The following KDM2A variants were observed in gnomAD, a reference collection of about 807,000 sequenced individuals.
KDM2A encodes lysine-specific demethylase 2A.
KDM2A carries 3 observed loss-of-function variants against 137.3 expected under a neutral mutation model. The observed-to-expected ratio is 0.02, with a 90% confidence interval of 0.01 to 0.06. KDM2A has a LOEUF of 0.06. Ranked by LOEUF, KDM2A falls within the 10% of genes least tolerant of loss-of-function variation. KDM2A has a pLI of 1.00. For synonymous variants in KDM2A, 512 were observed against 541.5 expected, an observed-to-expected ratio of 0.95 and a Z score of 0.76; for missense variants, 738 against 1,510.6, an observed-to-expected ratio of 0.49 and a Z score of 8.48.
At chr11:67,192,292 CA>C (rs1857374540) in intron 5 of KDM2A, among the ~76,000 whole-genome samples, 1 of 152,088 alleles carries the variant, frequency 6.6e-6, no homozygotes, top group Admixed American at 6.6e-5. Flanking sequence ...TAACAAATGG[CA>C]TCATAGTGTA....
intron 15 of KDM2A, among the ~76,000 whole-genome samples, chr11:67,247,071 ATTTTTTTTTTTTTTTTTTTTTTTT>A (rs1156333048): frequency 6.0e-5 from 1 of 16,786 alleles, no homozygotes; most frequent in African/African-American, 2.0e-4. Flanking sequence ...ATATATATAT[ATTTTTTTTTTTTTTTTTTTTTTTT>A]TTTTTTTTTT....
intron 2 of KDM2A, among the ~76,000 whole-genome samples, chr11:67,124,316 T>C (rs987903597): frequency 2.7e-5 from 4 of 150,088 alleles, no homozygotes; most frequent in Admixed American, 2.0e-4. Context: ...ACTTTATTTT[T>C]ATATATATTT....
chr11:67,211,698 C>T (rs1425149468), intron 6 of KDM2A, among the ~76,000 whole-genome samples: 1 of 136,668 alleles, frequency 7.3e-6, no homozygotes, highest in Admixed American at 7.4e-5. Context: ...TATTCAAAAA[C>T]TTAATCTTCA....
chr11:67,169,727 C>CCT (rs1856833541), intron 2 of KDM2A, among the ~76,000 whole-genome samples: 3 of 100,056 alleles, frequency 3.0e-5, no homozygotes, highest in Non-Finnish European at 7.5e-5. Flanking sequence ...CTCTCTCTCT[C>CCT]TCTCCTTCTC....
intron 2 of KDM2A, among the ~76,000 whole-genome samples, chr11:67,122,407 G>C (rs781131777): frequency 5.3e-5 from 8 of 151,882 alleles, no homozygotes; most frequent in Admixed American, 2.0e-4. Flanking sequence ...GCTCACCGCA[G>C]CCTCCACCTC....
At chr11:67,143,495 C>T (rs1399001792) in intron 2 of KDM2A, 1 of 152,108 alleles carries the variant, frequency 6.6e-6, no homozygotes, top group East Asian at 1.9e-4. Context: ...TGTGTAACTA[C>T]TACTCAGTCA....
At chr11:67,215,011 T>G (rs750016806) in intron 6 of KDM2A, among the ~76,000 whole-genome samples, 8 of 152,160 alleles carry the variant, frequency 5.3e-5, no homozygotes, top group Non-Finnish European at 1.0e-4. Flanking sequence ...TTTATTGGAT[T>G]AAAAAATAAA....
intron 2 of KDM2A, among the ~76,000 whole-genome samples, chr11:67,126,166 A>G (rs1173086824): frequency 6.6e-6 from 1 of 151,174 alleles, no homozygotes; most frequent in Non-Finnish European, 1.5e-5. Flanking sequence ...GAATCGCTTG[A>G]ACCCGCGAGA....
chr11:67,219,397 G>A lies in KDM2A; in HGVS notation c.951G>A (p.Arg317=), dbSNP rs868448219. Residue 317 remains arginine (R), a synonymous_variant, in exon 10 of 21, where the codon CGG becomes CGA. Transcript: ENST00000529006. ...TAAAAATATACAACATTGAAGATCG[G>A]ACACGGGTAAGTAATCTTATGTAAC... is the stretch of plus-strand genomic sequence containing the variant. ...MQLKIYNIED[R]TRVPNKFRYP... is the part of the protein sequence containing the mutation. The A allele has an allele frequency of 6.3e-7, 1 of 1,586,270 alleles. No homozygotes were observed. Among genetic ancestry groups the A allele is most frequent in the South Asian group, 1.1e-5 (1 of 88,142 alleles).
chr11:67,144,271 A>G (rs1856192699), intron 2 of KDM2A, among the ~76,000 whole-genome samples: 1 of 142,304 alleles, frequency 7.0e-6, no homozygotes, highest in South Asian at 2.2e-4. Context: ...TTTTTTTTCA[A>G]GACAGAGTCT....
chr11:67,254,953 C>T lies in KDM2A; in HGVS notation c.3387C>T (p.Cys1129=). ...TCACCTTGATCGACCTTCGAGGATG[C>T]AAGCAGATCACTCGAAAAGCCTGCG... ...ANVTLIDLRG[C]KQITRKACEH... The change falls in exon 21 of 21, where the codon TGC becomes TGT. Residue 1129 remains cysteine, a synonymous_variant. Transcript: ENST00000529006. The surrounding 1 kb of genome is among the most constrained non-coding windows in gnomAD (Gnocchi z 4.7). The T allele has an allele frequency of 1.2e-6, 2 of 1,613,940 alleles. No homozygotes were observed. The highest frequency in any genetic ancestry group is 1.7e-6 in the Non-Finnish European group (2 of 1,179,860).
chr11:67,252,687 A>C lies in KDM2A; in HGVS notation c.2769-7A>C, dbSNP rs753687697. The C allele has an allele frequency of 6.2e-7, 1 of 1,613,938 alleles. No homozygotes were observed. Among genetic ancestry groups the C allele is most frequent in the Admixed American group, 1.7e-5 (1 of 60,016 alleles). On this transcript the variant is annotated splice_region_variant and splice_polypyrimidine_tract_variant and intron_variant, in intron 17 of 20. Transcript: ENST00000529006. ...ATGAAGGCGAGTTCTCTTCCCTTCT[A>C]TCACAGGTGCTGCGACAAGAGACTT...
intron 12 of KDM2A, among the ~76,000 whole-genome samples, chr11:67,234,904 T>C (rs1206860827): frequency 3.3e-5 from 5 of 151,940 alleles, no homozygotes; most frequent in African/African-American, 1.2e-4. Flanking sequence ...CCCAGCACTT[T>C]GGGAAGCTGA....
intron 5 of KDM2A, among the ~76,000 whole-genome samples, chr11:67,197,506 A>G (rs1031959896): frequency 2.6e-5 from 4 of 152,130 alleles, no homozygotes; most frequent in African/African-American, 9.7e-5. Context: ...CAGGTTTTTT[A>G]AAGTCTGGGT....
chr11:67,166,221 A>G (rs1327313953), intron 2 of KDM2A, among the ~76,000 whole-genome samples: 5 of 142,526 alleles, frequency 3.5e-5, no homozygotes, highest in Non-Finnish European at 6.0e-5. Context: ...GTCTCACTCT[A>G]TCGCCTAGGC....
At chr11:67,153,407 A>G (rs1315177962) in intron 2 of KDM2A, among the ~76,000 whole-genome samples, 1 of 152,166 alleles carries the variant, frequency 6.6e-6, no homozygotes, top group Non-Finnish European at 1.5e-5. Context: ...CTGGCTCCCA[A>G]AGAATGAGGG....
At chr11:67,196,600 A>C (rs1857488534) in intron 5 of KDM2A, 1 of 377,746 alleles carries the variant, frequency 2.6e-6, no homozygotes, top group Admixed American at 3.3e-5. Flanking sequence ...CTAAGGACTT[A>C]TGCTAAGTGA....
intron 2 of KDM2A, among the ~76,000 whole-genome samples, chr11:67,135,524 T>A (rs1855953608): frequency 6.6e-6 from 1 of 152,228 alleles, no homozygotes; most frequent in Non-Finnish European, 1.5e-5. Flanking sequence ...CCCTCAGCCT[T>A]AATTCATCTC....
At chr11:67,182,777 C>A (rs1857119640) in intron 5 of KDM2A, among the ~76,000 whole-genome samples, 1 of 152,200 alleles carries the variant, frequency 6.6e-6, no homozygotes, top group South Asian at 2.1e-4. Flanking sequence ...AAGCAATCCG[C>A]CTGCCTTGGC....
Sources: gnomAD v4.1 joint callset for allele counts (sites outside exome capture counted in the v4.1 genomes callset) on GRCh38, gnomAD v4.1.1 for gene constraint, Gnocchi (gnomAD v3.1) non-coding constraint, MANE v1.5 for transcripts, NCBI Gene and HGNC (gene_info 2026-07-23, HGNC 2026-07-21) for gene names.